Variants in NUTM2G observed in about 807,000 individuals in gnomAD.
The protein encoded by NUTM2G is family with sequence similarity 22, member G.
A neutral mutation model predicts 44.3 loss-of-function variants in NUTM2G; 29 were observed. The ratio of observed to expected loss-of-function variants is 0.66; its 90% confidence interval spans 0.49 to 0.89. The LOEUF (loss-of-function observed/expected upper bound fraction) is 0.89, where lower values mean the gene tolerates loss of function less well. Ranked by LOEUF, NUTM2G falls within the 40% of genes least tolerant of loss-of-function variation. The probability of loss-of-function intolerance (pLI) is 0.00; values close to 1 mark genes in which losing one functional copy is unlikely to be tolerated. For synonymous variants in NUTM2G, 205 were observed against 395.9 expected (o/e 0.52, Z 5.72); for missense variants, 502 against 946.5 (o/e 0.53, Z 6.16).
chr9:96,942,637 G>A (rs1039464810), downstream of NUTM2G: 2 of 130,300 alleles, frequency 1.5e-5, no homozygotes, highest in Non-Finnish European at 3.1e-5. Context: ...CTCAGTCCTC[G>A]GAAGGATGAA....
chr9:96,932,652 ATTTT>A (rs34371040), intron 2 of NUTM2G, among the ~76,000 whole-genome samples: 1 of 130,118 alleles, frequency 7.7e-6, no homozygotes, highest in African/African-American at 2.8e-5. Flanking sequence ...CCAATCCTTA[ATTTT>A]TTTTTTTTTT....
chr9:96,930,871 G>GTTTT (rs1310362219), intron 1 of NUTM2G, among the ~76,000 whole-genome samples: 6 of 104,448 alleles, frequency 5.7e-5, no homozygotes, highest in African/African-American at 1.5e-4. Context: ...TCCATCCAGT[G>GTTTT]GTTTTTTTTT....
intron 3 of NUTM2G, among the ~76,000 whole-genome samples, 187 bp downstream of exon 3, chr9:96,935,643 C>T (rs1252301157): frequency 6.6e-6 from 1 of 152,158 alleles, no homozygotes; most frequent in African/African-American, 2.4e-5. Flanking sequence ...GTCTCTGTCC[C>T]GCCCTCTTGG....
Position 96,937,421 on chromosome 9 carries a change from T to G in NUTM2G, c.1323+17T>G. 1 of 1,608,910 alleles carries G rather than the reference T, an allele frequency of 6.2e-7. No homozygotes were observed. Among genetic ancestry groups the G allele is most frequent in the Non-Finnish European group, 8.5e-7 (1 of 1,177,444 alleles). On this transcript the variant is annotated intron_variant, in intron 5 of 6. Transcript: ENST00000372322. ...GTCACCAAGGTGGGCTTGCCTGGAG[T>G]GCTGTGGTCTGTAGGATTCCAGGGG...
rs199948512 is a variant in NUTM2G, at chr9:96,929,543, GAC to G, written c.16+505_16+506del. Among the ~76,000 whole-genome samples the G allele has an allele frequency of 0.02, 3,009 of 152,102 alleles. 154 individuals are homozygous for G. The East Asian group carries it at 0.23, about 12-fold the overall frequency. ...GGTTGGCTGTGACAGAGCATGTAGT[GAC>G]AGCCTCTGGGTGGGCAAGGCTGGGG... is the stretch of plus-strand genomic sequence containing the variant. On this transcript the variant is annotated intron_variant, in intron 1 of 6. Transcript: ENST00000372322.
chr9:96,929,972 A>G (rs1304945867), intron 1 of NUTM2G, among the ~76,000 whole-genome samples: 2 of 152,008 alleles, frequency 1.3e-5, no homozygotes, highest in African/African-American at 4.8e-5. Flanking sequence ...AGACAGTCCT[A>G]TTATTATTAT....
rs779519942 is a variant in NUTM2G at position 96,931,946 on chromosome 9, G to T, written c.241G>T (p.Val81Phe). ...CCCAAGTGGGGCTGGGGCTTCCAAC[G>T]TCTTTGTCCAGATGAGGACAGAAGT... is the stretch of plus-strand genomic sequence containing the variant. Reference protein sequence around the residue: ...RGPSGAGASNVFVQMRTEVGP... With the variant: ...RGPSGAGASNFFVQMRTEVGP... Residue 81 changes from valine (V) to phenylalanine (F), a missense_variant, in exon 2 of 7, where the codon GTC (valine) becomes TTC (phenylalanine). Transcript: ENST00000372322. 1 of 1,611,806 alleles carries T rather than the reference G, an allele frequency of 6.2e-7. No individual in the cohort carries two copies.
intron 2 of NUTM2G, among the ~76,000 whole-genome samples, chr9:96,932,807 C>A (rs950615612): frequency 6.6e-6 from 1 of 151,896 alleles, no homozygotes; most frequent in African/African-American, 2.4e-5. Context: ...CATGTGCCAC[C>A]ATGCCTGGCT....
Position 96,931,803 on chromosome 9 carries a change from C to T in NUTM2G, c.98C>T (p.Pro33Leu), listed in dbSNP as rs1298933599. 1 of 1,611,766 alleles carries T rather than the reference C, an allele frequency of 6.2e-7. No individual in the cohort carries two copies. The highest frequency in any genetic ancestry group is 8.5e-7 in the Non-Finnish European group (1 of 1,179,866). The change falls in exon 2 of 7, where the codon CCC becomes CTC. Residue 33 changes from proline to leucine, a missense_variant. Pro to Leu is a moderately conservative substitution (Grantham distance 98). Coordinates refer to ENST00000372322, the MANE Select transcript of NUTM2G (RefSeq NM_001170741.3). ...TTCACGGCTCTGCCCTTTGCCACAC[C>T]CTCTCCCGGCCCAACACACAGGCCG... ...SVFTALPFAT[P>L]SPGPTHRPPL... is the part of the protein sequence containing the mutation.
At chr9:96,933,087 C>A (rs1185538460) in intron 2 of NUTM2G, among the ~76,000 whole-genome samples, 1 of 150,396 alleles carries the variant, frequency 6.6e-6, no homozygotes, top group African/African-American at 2.5e-5. Flanking sequence ...ACGTCATTCT[C>A]CTGCCTCAGG....
intron 2 of NUTM2G, among the ~76,000 whole-genome samples, chr9:96,933,267 C>T (rs1040837546): frequency 6.6e-5 from 10 of 151,898 alleles, no homozygotes; most frequent in East Asian, 1.9e-4. Flanking sequence ...CATGACCCAC[C>T]GTGCCCGGCT....
At chr9:96,942,705 A>G (rs1011055540), downstream of NUTM2G, 2 of 145,686 alleles carry the variant, frequency 1.4e-5, no homozygotes, top group African/African-American at 2.6e-5. Context: ...GTTCATTCCA[A>G]AGATCATGTT....
intron 2 of NUTM2G, among the ~76,000 whole-genome samples, chr9:96,932,978 C>CTTTTTT (rs573653882): frequency 7.7e-5 from 10 of 129,426 alleles, no homozygotes; most frequent in East Asian, 2.7e-4. Flanking sequence ...CTTTTCTTTT[C>CTTTTTT]TTTTTTTTTT....
Position 96,931,934 on chromosome 9 carries a change from G to A in NUTM2G, c.229G>A (p.Gly77Arg), listed in dbSNP as rs1265875432. The change falls in exon 2 of 7, where the codon GGG (glycine) becomes AGG (arginine). Residue 77 changes from glycine to arginine, a missense_variant. By Grantham distance (125) the Gly-to-Arg change is moderately radical (BLOSUM62 -2). Coordinates refer to ENST00000372322, the MANE Select transcript of NUTM2G (RefSeq NM_001170741.3). ...GGATGGCCGCGGCCCAAGTGGGGCT[G>A]GGGCTTCCAACGTCTTTGTCCAGAT... is the stretch of plus-strand genomic sequence containing the variant. ...GQDGRGPSGA[G>R]ASNVFVQMRT... 2 of 1,612,008 alleles carry A rather than the reference G, an allele frequency of 1.2e-6. No individual in the cohort carries two copies. Among genetic ancestry groups the A allele is most frequent in the Non-Finnish European group, 8.5e-7 (1 of 1,179,798 alleles).
chr9:96,933,987 G>C (rs953366286), intron 2 of NUTM2G: 1 of 152,118 alleles, frequency 6.6e-6, no homozygotes, highest in African/African-American at 2.4e-5. Flanking sequence ...TATGACATAC[G>C]TAGCACAGTG....
At chr9:96,935,245 G>A in intron 2 of NUTM2G, 83 bp from the exon 3 acceptor site, 3 of 1,586,672 alleles carry the variant, frequency 1.9e-6, no homozygotes, top group South Asian at 1.1e-5. Flanking sequence ...GGTGTGGGGA[G>A]GACAGGAGCC....
chr9:96,935,205 G>T, intron 2 of NUTM2G, 123 bp from the exon 3 acceptor site: 1 of 1,487,700 alleles, frequency 6.7e-7, no homozygotes, highest in Admixed American at 2.0e-5. Context: ...CCACATGGGG[G>T]AGAACAGGAC....
At position 96,931,919 on chromosome 9, in the gene NUTM2G, G is replaced by A. The variant is rs370086124; in HGVS notation, c.214G>A (p.Gly72Ser). Residue 72 changes from glycine to serine, a missense_variant, in exon 2 of 7, where the codon GGC becomes AGC. Physicochemically the swap from Gly to Ser is moderately conservative, Grantham distance 56 (BLOSUM62 0). Transcript: ENST00000372322. ...TPLVAGQDGR[G>S]PSGAGASNVF... ...TCTAGTGGCAGGACAGGATGGCCGC[G>A]GCCCAAGTGGGGCTGGGGCTTCCAA... The A allele has an allele frequency of 1.3e-4, 214 of 1,612,072 alleles. No individual in the cohort carries two copies. Among genetic ancestry groups the A allele is most frequent in the South Asian group, 4.5e-4 (41 of 90,998 alleles).
Position 96,935,152 on chromosome 9 carries a change from G to A in NUTM2G, c.714-176G>A, listed in dbSNP as rs2479287. Among the ~76,000 whole-genome samples the A allele has an allele frequency of 0.029, 4,409 of 152,110 alleles. 370 individuals carry two copies. The East Asian group carries it at 0.34, about 12-fold the overall frequency. On this transcript the variant is annotated intron_variant, in intron 2 of 6. Transcript: ENST00000372322. ...TCGGAGAGGCCACTCAGTGGCTTCT[G>A]TTGATGTTGGATCTTGGGGGTGTGT...
Sources: allele counts gnomAD v4.1 joint callset (sites outside exome capture counted in the v4.1 genomes callset), GRCh38; gene constraint gnomAD v4.1.1; transcripts MANE v1.5; gene names NCBI Gene and HGNC (gene_info 2026-07-23, HGNC 2026-07-21).